HNRNPLL: variants seen among roughly 807,000 people sequenced by gnomAD.
The protein encoded by HNRNPLL is heterogeneous nuclear ribonucleoprotein L like.
A neutral mutation model predicts 67.1 loss-of-function variants in HNRNPLL; 25 were observed. That is an observed-to-expected ratio of 0.37 (90% CI 0.27 to 0.52). The LOEUF (loss-of-function observed/expected upper bound fraction) is 0.52. HNRNPLL is among the 20% of genes least tolerant of loss of function. HNRNPLL has a pLI of 0.90. For synonymous variants in HNRNPLL, 267 were observed against 241.7 expected, an observed-to-expected ratio of 1.10 and a Z score of -0.97; for missense variants, 542 against 673.9, an observed-to-expected ratio of 0.80 and a Z score of 2.17.
At position 38,562,357 on chromosome 2, in the gene HNRNPLL, C is replaced by G. The variant is rs1181150196; in HGVS notation, c.*1825G>C. 1 of 152,078 alleles carries G rather than the reference C, an allele frequency of 6.6e-6. No individual in the cohort carries two copies. Among genetic ancestry groups the G allele is most frequent in the African/African-American group, 2.4e-5 (1 of 41,410 alleles). The allele number at this position is 152,078 out of a possible 1,614,324, so 9.4% of individuals were successfully genotyped here. On this transcript the variant is annotated 3_prime_UTR_variant, in exon 13 of 13. Coordinates refer to ENST00000449105, the MANE Select transcript of HNRNPLL (RefSeq NM_138394.4). ...AGAGCCTTACAGATAAAAATCATTT[C>G]TACACATCTAAACTAATTAAAATCT... is the stretch of plus-strand genomic sequence containing the variant.
At chr2:38,589,867 A>C (rs973608607) in intron 2 of HNRNPLL, among the ~76,000 whole-genome samples, 2 of 152,212 alleles carry the variant, frequency 1.3e-5, no homozygotes, top group African/African-American at 4.8e-5. Context: ...ATACACAAGA[A>C]GAGAGGAAAA....
chr2:38,576,749 T>C (rs775092358), intron 7 of HNRNPLL, among the ~76,000 whole-genome samples: 1 of 151,918 alleles, frequency 6.6e-6, no homozygotes, highest in Non-Finnish European at 1.5e-5. Flanking sequence ...CCAGTTTTAA[T>C]AGTATTGTGC....
intron 1 of HNRNPLL, among the ~76,000 whole-genome samples, chr2:38,592,261 G>T (rs772268435): frequency 7.9e-5 from 12 of 152,140 alleles, no homozygotes; most frequent in Admixed American, 3.9e-4. Context: ...ACAACTGGAA[G>T]TATATTTGAT....
At chr2:38,592,839 A>G (rs1002324988) in intron 1 of HNRNPLL, among the ~76,000 whole-genome samples, 10 of 152,228 alleles carry the variant, frequency 6.6e-5, no homozygotes, top group African/African-American at 2.2e-4. Context: ...TTTTTCTCCT[A>G]TAACAAGACT....
Position 38,562,429 on chromosome 2 carries a change from C to T in HNRNPLL, c.*1753G>A, listed in dbSNP as rs377506889. ...CACCTACAGGTTTATTTCTTAAAATCTTAGGCATTAAAAAGTCTGTAATTC... is the reference window on the plus strand; with the variant it reads ...CACCTACAGGTTTATTTCTTAAAATTTTAGGCATTAAAAAGTCTGTAATTC... On this transcript the variant is annotated 3_prime_UTR_variant, in exon 13 of 13. Transcript: ENST00000449105. 1.3e-4 allele frequency: 20 copies of T among 152,198 alleles called. No individual in the cohort carries two copies. Among genetic ancestry groups the T allele is most frequent in the African/African-American group, 4.6e-4 (19 of 41,550 alleles). The allele number at this position is 152,198 out of a possible 1,614,324, so 9.4% of individuals were successfully genotyped here. A position where few individuals can be genotyped will look rare whatever the true frequency, so the allele number is the denominator to read the frequency against.
chr2:38,599,065 T>C (rs1379591585), intron 1 of HNRNPLL, among the ~76,000 whole-genome samples: 7 of 152,236 alleles, frequency 4.6e-5, no homozygotes, highest in Non-Finnish European at 1.0e-4. Flanking sequence ...ACAGTAATAT[T>C]GCTATCATTA....
chr2:38,590,981 G>A (rs1360851995), intron 2 of HNRNPLL, among the ~76,000 whole-genome samples: 3 of 152,064 alleles, frequency 2.0e-5, no homozygotes, highest in African/African-American at 7.2e-5. Flanking sequence ...CTCCAGCTTG[G>A]GCAACAGAGA....
chr2:38,573,270 T>C lies in HNRNPLL; in HGVS notation c.1032A>G (p.Gln344=). Reference sequence around the variant, plus strand: ...AGACTCTTGAACAATTCATTTTTAGTTGATGTAATCCACTAACCATTACAA... The same window carrying C: ...AGACTCTTGAACAATTCATTTTTAGCTGATGTAATCCACTAACCATTACAA... ...GSVVMVSGLH[Q]LKMNCSRVFN... Residue 344 remains glutamine, a synonymous_variant, in exon 8 of 13, where the codon CAA becomes CAG. Transcript: ENST00000449105. 6.2e-7 allele frequency: 1 copy of C among 1,611,182 alleles called. No homozygotes were observed. The highest frequency in any genetic ancestry group is 8.5e-7 in the Non-Finnish European group (1 of 1,178,798).
intron 9 of HNRNPLL, among the ~76,000 whole-genome samples, chr2:38,569,549 A>G (rs1665990527): frequency 6.6e-6 from 1 of 152,188 alleles, no homozygotes; most frequent in South Asian, 2.1e-4. Context: ...ATATTCTCAT[A>G]TTAGAAAACT....
rs904167121 is a variant in HNRNPLL, at chr2:38,563,322, A to T, written c.*860T>A. 3.3e-5 allele frequency: 5 copies of T among 152,144 alleles called. No individual in the cohort carries two copies. The highest frequency in any genetic ancestry group is 1.2e-4 in the African/African-American group (5 of 41,464). 9.4% of individuals were successfully genotyped at this position (152,144 alleles called of 1,614,324 possible). A position where few individuals can be genotyped will look rare whatever the true frequency, so the allele number is the denominator to read the frequency against. On this transcript the variant is annotated 3_prime_UTR_variant, in exon 13 of 13. Transcript: ENST00000449105. ...CTGATGGATCCAAGAGTTAAAAAAT[A>T]AAAATGTAAATATCCAAAATTCTAC...
At chr2:38,591,441 T>C (rs2148376242) in intron 2 of HNRNPLL, 89 bp downstream of exon 2, 1 of 773,146 alleles carries the variant, frequency 1.3e-6, no homozygotes, top group South Asian at 1.5e-5. Context: ...AAACAATATT[T>C]ACTATGCTAA....
At chr2:38,574,585 T>C (rs1245048833) in intron 7 of HNRNPLL, among the ~76,000 whole-genome samples, 2 of 151,838 alleles carry the variant, frequency 1.3e-5, no homozygotes, top group Admixed American at 6.6e-5. Flanking sequence ...ATTTTGGTAT[T>C]CATAACATAC....
intron 1 of HNRNPLL, among the ~76,000 whole-genome samples, chr2:38,592,419 G>A (rs550626215): frequency 3.3e-5 from 5 of 152,078 alleles, no homozygotes; most frequent in African/African-American, 1.2e-4. Context: ...TGTTTAATTG[G>A]TTATCTAGTC....
intron 6 of HNRNPLL, chr2:38,578,049 G>A (rs1358590530): frequency 4.3e-6 from 2 of 467,522 alleles, no homozygotes; most frequent in Non-Finnish European, 8.9e-6. Flanking sequence ...TATTTTATAA[G>A]TATATGCACA....
At chr2:38,570,365 G>C (rs1331457531) in intron 8 of HNRNPLL, among the ~76,000 whole-genome samples, 1 of 152,162 alleles carries the variant, frequency 6.6e-6, no homozygotes, top group Non-Finnish European at 1.5e-5. Context: ...TTATCTTCTT[G>C]AACCTTATAT....
chr2:38,585,890 G>A lies in HNRNPLL; in HGVS notation c.309-9C>T, dbSNP rs1238308103. The A allele has an allele frequency of 8.0e-6, 12 of 1,495,832 alleles. No individual in the cohort carries two copies. The East Asian group carries it at 1.6e-4, about 20-fold the overall frequency. 92.7% of individuals were successfully genotyped at this position (1,495,832 alleles called of 1,614,324 possible). On this transcript the variant is annotated splice_polypyrimidine_tract_variant and intron_variant, in intron 2 of 12. Transcript: ENST00000449105. ...GCATCATCATCACATAGCTGAAAAG[G>A]GAGAAAAGGAGGAAACACACAAACA...
rs746881680 is a variant in HNRNPLL, at chr2:38,577,504, G to A, written c.831C>T (p.Ala277=). The A allele has an allele frequency of 1.9e-6, 3 of 1,610,468 alleles. No individual in the cohort carries two copies. Among genetic ancestry groups the A allele is most frequent in the South Asian group, 2.2e-5 (2 of 90,966 alleles). ...RDRGKGRQRQ[A]ILGEHPSSFR... ...ACGAAGAAGGGTGTTCTCCCAAAAT[G>A]GCTTGTCTCTGGCGACCCTTTCCTC... Residue 277 remains alanine, a synonymous_variant, in exon 7 of 13, where the codon GCC becomes GCT. Transcript: ENST00000449105.
intron 5 of HNRNPLL, 25 bp downstream of exon 5, chr2:38,582,047 G>GT: frequency 6.3e-7 from 1 of 1,598,274 alleles, no homozygotes; most frequent in South Asian, 1.1e-5. Flanking sequence ...TATTTCTTGG[G>GT]TAGGGTGTTG....
In HNRNPLL at chr2:38,569,266, T is replaced by C. The variant is rs2148338403; in HGVS notation, c.1283A>G (p.Lys428Arg). 6.2e-7 allele frequency: 1 copy of C among 1,613,400 alleles called. No homozygotes were observed. Among genetic ancestry groups the C allele is most frequent in the South Asian group, 1.1e-5 (1 of 91,060 alleles). Reference sequence around the variant, plus strand: ...ATTATTTTTGCTCATTGCAAAATCTTTGTAGCTGCTGGTACCATCCTCCAG... The same window carrying C: ...ATTATTTTTGCTCATTGCAAAATCTCTGTAGCTGCTGGTACCATCCTCCAG... ...FELEDGTSSY[K>R]DFAMSKNNRF... is the part of the protein sequence containing the mutation. The change falls in exon 10 of 13, where the codon AAA (lysine) becomes AGA (arginine). Residue 428 changes from lysine (K) to arginine (R), a missense_variant. Physicochemically the swap from Lys to Arg is conservative, Grantham distance 26. Transcript: ENST00000449105.
Sources: gnomAD v4.1 joint callset for allele counts (sites outside exome capture counted in the v4.1 genomes callset) on GRCh38, gnomAD v4.1.1 for gene constraint, MANE v1.5 for transcripts, NCBI Gene and HGNC (gene_info 2026-07-23, HGNC 2026-07-21) for gene names.